Variants in NLGN1 observed in about 807,000 individuals in gnomAD.
NLGN1 encodes the protein neuroligin-1.
NLGN1 carries 12 observed loss-of-function variants against 65.5 expected under a neutral mutation model. The observed-to-expected ratio is 0.18, with a 90% confidence interval of 0.12 to 0.30. The LOEUF (loss-of-function observed/expected upper bound fraction) is 0.30, where lower values mean the gene tolerates loss of function less well. NLGN1 is among the 10% of genes least tolerant of loss of function. The pLI is 1.00. For synonymous variants in NLGN1, 350 were observed against 359.5 expected (o/e 0.97, Z 0.30); for missense variants, 750 against 1,007.1 (o/e 0.74, Z 3.46).
At chr3:174,066,516 GTCTCTCTC>G (rs373763421) in intron 4 of NLGN1, among the ~76,000 whole-genome samples, 11,532 of 67,208 alleles carry the variant, frequency 0.17, 879 homozygotes, top group Middle Eastern at 0.23. Context: ...TATGGAACAA[GTCTCTCTC>G]TCTCTCTCTC....
At chr3:173,717,961 T>C (rs1434779690) in intron 3 of NLGN1, among the ~76,000 whole-genome samples, 1 of 152,140 alleles carries the variant, frequency 6.6e-6, no homozygotes, top group Non-Finnish European at 1.5e-5. Context: ...AATTAGAACA[T>C]TTTCAAACAT....
intron 2 of NLGN1, among the ~76,000 whole-genome samples, chr3:173,502,545 C>T (rs1297281546): frequency 1.3e-5 from 2 of 152,110 alleles, no homozygotes; most frequent in Non-Finnish European, 2.9e-5. Flanking sequence ...TTCATGAGCA[C>T]ACGTTTCAAG....
chr3:173,699,078 A>G (rs572241788), intron 3 of NLGN1, among the ~76,000 whole-genome samples: 1 of 152,210 alleles, frequency 6.6e-6, no homozygotes, highest in Admixed American at 6.5e-5. Context: ...CTGGTCTCAA[A>G]TTCCCGACCA....
chr3:173,949,983 A>G (rs1373525573), intron 4 of NLGN1, among the ~76,000 whole-genome samples: 1 of 152,196 alleles, frequency 6.6e-6, no homozygotes, highest in Non-Finnish European at 1.5e-5. Flanking sequence ...TAGTTCTGAA[A>G]GATAGATATA....
intron 4 of NLGN1, among the ~76,000 whole-genome samples, chr3:173,969,293 C>T (rs973496669): frequency 2.6e-5 from 4 of 151,944 alleles, no homozygotes; most frequent in Admixed American, 6.6e-5. Flanking sequence ...GGAGTGAATG[C>T]CAGTTCATTT....
At chr3:173,422,552 T>C (rs1183228797) in intron 1 of NLGN1, among the ~76,000 whole-genome samples, 1 of 152,172 alleles carries the variant, frequency 6.6e-6, no homozygotes, top group Non-Finnish European at 1.5e-5. Flanking sequence ...TATTATACTG[T>C]TTTTCTATAA....
At chr3:174,028,067 A>G (rs887028567) in intron 4 of NLGN1, among the ~76,000 whole-genome samples, 1 of 152,164 alleles carries the variant, frequency 6.6e-6, no homozygotes, top group Non-Finnish European at 1.5e-5. Context: ...CTCCTCATTC[A>G]TCTTCTGTTA....
downstream of NLGN1, among the ~76,000 whole-genome samples, chr3:174,288,526 T>A (rs13065883): frequency 6.6e-6 from 1 of 151,484 alleles, no homozygotes; most frequent in South Asian, 2.1e-4. Context: ...CACACCGTCT[T>A]CATCGCCTGA....
chr3:173,841,428 G>T (rs1009035979), intron 4 of NLGN1, among the ~76,000 whole-genome samples: 4 of 152,180 alleles, frequency 2.6e-5, no homozygotes, highest in Non-Finnish European at 5.9e-5. Context: ...GGAACAGGAG[G>T]AGGTTGTTAA....
chr3:174,144,713 T>C (rs1722895172), intron 4 of NLGN1, among the ~76,000 whole-genome samples: 1 of 152,244 alleles, frequency 6.6e-6, no homozygotes, highest in Non-Finnish European at 1.5e-5. Flanking sequence ...ATAAATATCT[T>C]CTTTTGAGAA....
intron 4 of NLGN1, among the ~76,000 whole-genome samples, chr3:173,937,954 G>C (rs548971766): frequency 1.3e-5 from 2 of 152,170 alleles, no homozygotes; most frequent in South Asian, 4.2e-4. Flanking sequence ...TAGTTGTTCT[G>C]ATGTTAAAAA....
At chr3:173,514,685 G>A (rs908151434) in intron 2 of NLGN1, among the ~76,000 whole-genome samples, 2 of 152,030 alleles carry the variant, frequency 1.3e-5, no homozygotes, top group African/African-American at 4.8e-5. Flanking sequence ...CTTAGCCCTG[G>A]TAACCACAAT....
Position 173,694,457 on chromosome 3 carries a change from G to A in NLGN1, c.493+89366G>A, listed in dbSNP as rs115961870. On this transcript the variant is annotated intron_variant, in intron 3 of 6. Transcript: ENST00000457714. ...GACCTACTGACGTGTACATTATCTA[G>A]GATTTCAAATATATTGAGGTACAAA... Among the ~76,000 whole-genome samples, 268 of 152,110 alleles carry A rather than the reference G, an allele frequency of 1.8e-3. 1 individual carries two copies. The highest frequency in any genetic ancestry group is 3.4e-3 in the Middle Eastern group (1 of 294).
At chr3:173,805,568 G>T (rs1311764868) in intron 3 of NLGN1, among the ~76,000 whole-genome samples, 2 of 152,116 alleles carry the variant, frequency 1.3e-5, no homozygotes, top group East Asian at 1.9e-4. Context: ...ATGTGTGCCT[G>T]TATTGTTGTA....
At chr3:173,964,762 AT>A (rs1714424517) in intron 4 of NLGN1, among the ~76,000 whole-genome samples, 1 of 152,194 alleles carries the variant, frequency 6.6e-6, no homozygotes. Flanking sequence ...AGATTTATAT[AT>A]TTATGTTCTC....
chr3:173,715,630 TTGAA>T (rs1373274992), intron 3 of NLGN1, among the ~76,000 whole-genome samples: 3 of 152,162 alleles, frequency 2.0e-5, no homozygotes, highest in African/African-American at 7.2e-5. Flanking sequence ...TTTCTGTCCA[TTGAA>T]TGGTGTATAG....
chr3:173,496,426 A>G (rs1404382905), intron 2 of NLGN1, among the ~76,000 whole-genome samples: 1 of 151,936 alleles, frequency 6.6e-6, no homozygotes, highest in Non-Finnish European at 1.5e-5. Context: ...ATATTTATCA[A>G]GAAGGCAGAT....
chr3:173,974,055 C>T (rs962348189), intron 4 of NLGN1, among the ~76,000 whole-genome samples: 2 of 151,958 alleles, frequency 1.3e-5, no homozygotes, highest in Admixed American at 1.3e-4. Flanking sequence ...GTAATTACAA[C>T]TGTGCAGAAC....
intron 4 of NLGN1, among the ~76,000 whole-genome samples, chr3:174,111,860 T>C (rs1052207310): frequency 9.2e-5 from 14 of 151,966 alleles, no homozygotes; most frequent in Non-Finnish European, 1.2e-4. Context: ...AAGTATGCCA[T>C]GAAGCAAGGG....
Sources: allele counts gnomAD v4.1 joint callset (sites outside exome capture counted in the v4.1 genomes callset), GRCh38; gene constraint gnomAD v4.1.1; transcripts MANE v1.5; gene names NCBI Gene and HGNC (gene_info 2026-07-23, HGNC 2026-07-21).